Variants in SV2C observed in about 807,000 individuals in gnomAD.
SV2C encodes solute carrier family 22 member B3.
A neutral mutation model predicts 79.7 loss-of-function variants in SV2C; 49 were observed. That is an observed-to-expected ratio of 0.61 (90% CI 0.49 to 0.78). The LOEUF (loss-of-function observed/expected upper bound fraction) is 0.78. Ranked by LOEUF, SV2C falls within the 30% of genes least tolerant of loss-of-function variation. The pLI is 0.00. For synonymous variants in SV2C, 334 were observed against 333.2 expected (o/e 1.00, Z -0.03); for missense variants, 833 against 912.9 (o/e 0.91, Z 1.13).
chr5:75,959,846 A>C, the SV2C span, among the ~76,000 whole-genome samples: 2 of 152,014 alleles, frequency 1.3e-5, no homozygotes, highest in African/African-American at 2.4e-5. Context: ...GACCAGTCCT[A>C]TTCACAAAGA....
chr5:76,035,920 C>T, the SV2C span, among the ~76,000 whole-genome samples: 1 of 152,146 alleles, frequency 6.6e-6, no homozygotes, highest in East Asian at 1.9e-4. Context: ...CTTTATGAAT[C>T]TGGGTGCTCC....
At chr5:76,316,415 C>T (rs1748620155) in intron 12 of SV2C, among the ~76,000 whole-genome samples, 1 of 152,160 alleles carries the variant, frequency 6.6e-6, no homozygotes, top group South Asian at 2.1e-4. Flanking sequence ...AATCTCTGTG[C>T]ATGTGGCCCT....
chr5:75,981,926 C>T, the SV2C span, among the ~76,000 whole-genome samples: 1 of 151,982 alleles, frequency 6.6e-6, no homozygotes, highest in Non-Finnish European at 1.5e-5. Context: ...AGAGAGGAAA[C>T]AGACAACCTA....
At chr5:76,307,816 T>A (rs906221708) in intron 12 of SV2C, among the ~76,000 whole-genome samples, 1 of 152,190 alleles carries the variant, frequency 6.6e-6, no homozygotes, top group Admixed American at 6.5e-5. Context: ...ATTTTGGTTA[T>A]CATATTTTTC....
chr5:76,130,563 T>A (rs1748854677), intron 1 of SV2C, among the ~76,000 whole-genome samples: 1 of 152,200 alleles, frequency 6.6e-6, no homozygotes, highest in Non-Finnish European at 1.5e-5. Flanking sequence ...GGAGAAAGAC[T>A]TTTTTAACCT....
At chr5:75,907,267 T>G in the SV2C span, among the ~76,000 whole-genome samples, 1 of 152,200 alleles carries the variant, frequency 6.6e-6, no homozygotes, top group Non-Finnish European at 1.5e-5. Context: ...CAGACTCTTT[T>G]GACTAAATAT....
the SV2C span, among the ~76,000 whole-genome samples, chr5:76,071,955 C>CTA: frequency 6.6e-6 from 1 of 152,142 alleles, no homozygotes; most frequent in Non-Finnish European, 1.5e-5. Flanking sequence ...CAGAGTTGAG[C>CTA]TATAAATCAT....
intron 1 of SV2C, among the ~76,000 whole-genome samples, chr5:76,092,155 A>G (rs1747398804): frequency 6.6e-6 from 1 of 152,220 alleles, no homozygotes; most frequent in African/African-American, 2.4e-5. Flanking sequence ...AAGAATAAAG[A>G]TCAAACTCTC....
At chr5:76,269,571 C>A (rs1746777720) in intron 4 of SV2C, among the ~76,000 whole-genome samples, 1 of 152,194 alleles carries the variant, frequency 6.6e-6, no homozygotes. Flanking sequence ...TTACCCGTGT[C>A]CCTGCTGTAG....
At chr5:76,284,040 T>G (rs145361026) in intron 4 of SV2C, among the ~76,000 whole-genome samples, 187 of 152,338 alleles carry the variant, frequency 1.2e-3, no homozygotes, top group African/African-American at 4.1e-3. Context: ...AAATTAAAAT[T>G]TCACCTCACA....
upstream of SV2C, chr5:76,079,029 C>CAACAGACA (rs1746934157): frequency 1.2e-5 from 5 of 419,572 alleles, no homozygotes; most frequent in African/African-American, 2.1e-5. Context: ...GAGGGGCCAT[C>CAACAGACA]AACAGACATT....
At chr5:75,885,005 T>C in the SV2C span, among the ~76,000 whole-genome samples, 1 of 152,146 alleles carries the variant, frequency 6.6e-6, no homozygotes, top group African/African-American at 2.4e-5. Context: ...GAATAAAGGC[T>C]ATTTTGAGCA....
chr5:76,296,076 G>A (rs1199598274), intron 9 of SV2C, 134 bp downstream of exon 9: 1 of 785,750 alleles, frequency 1.3e-6, no homozygotes, highest in Non-Finnish European at 1.9e-6. Context: ...TTTTCATGAT[G>A]AATTTCAATA....
intron 1 of SV2C, among the ~76,000 whole-genome samples, chr5:76,109,371 A>G (rs147144937): frequency 3.9e-4 from 59 of 152,324 alleles, no homozygotes; most frequent in African/African-American, 1.4e-3. Flanking sequence ...TCACTTAAAA[A>G]TTTGAGGGGG....
At chr5:76,137,030 C>G (rs1281860714) in intron 2 of SV2C, among the ~76,000 whole-genome samples, 1 of 152,148 alleles carries the variant, frequency 6.6e-6, no homozygotes, top group East Asian at 1.9e-4. Flanking sequence ...CTTAAAATGT[C>G]AAATAGACTT....
chr5:76,346,132 T>C (rs2112588589), intron 12 of SV2C, among the ~76,000 whole-genome samples: 1 of 152,270 alleles, frequency 6.6e-6, no homozygotes, highest in East Asian at 1.9e-4. Context: ...TGTCTCCAAA[T>C]GTGGAGTTGG....
At chr5:76,081,571 A>C (rs761696204), upstream of SV2C, among the ~76,000 whole-genome samples, 2 of 152,230 alleles carry the variant, frequency 1.3e-5, no homozygotes, top group Non-Finnish European at 2.9e-5. Flanking sequence ...TACTAAGAAG[A>C]ATCCACGAAA....
At chr5:76,012,535 T>A in the SV2C span, among the ~76,000 whole-genome samples, 15 of 152,282 alleles carry the variant, frequency 9.9e-5, no homozygotes, top group East Asian at 1.9e-3. Context: ...ATTGCAAAAA[T>A]TTTCTCCCAT....
chr5:75,883,276 A>G, the SV2C span, among the ~76,000 whole-genome samples: 1 of 136,018 alleles, frequency 7.4e-6, no homozygotes, highest in Non-Finnish European at 1.5e-5. Flanking sequence ...TGTGGAAGTC[A>G]GTGTGGCGAT....
Sources: gnomAD v4.1 joint callset for allele counts (sites outside exome capture counted in the v4.1 genomes callset) on GRCh38, gnomAD v4.1.1 for gene constraint, MANE v1.5 for transcripts, NCBI Gene and HGNC (gene_info 2026-07-23, HGNC 2026-07-21) for gene names.